Variants in TNFRSF10B observed in about 807,000 individuals in gnomAD.
TNFRSF10B encodes TNF receptor superfamily member 10b, also known as tumor necrosis factor receptor superfamily member 10B.
TNFRSF10B carries 35 observed loss-of-function variants against 41.4 expected under a neutral mutation model. The ratio of observed to expected loss-of-function variants is 0.85; its 90% CI spans 0.65 to 1.12. The LOEUF (loss-of-function observed/expected upper bound fraction) is 1.12, where lower values mean the gene tolerates loss of function less well. Ranked by LOEUF, TNFRSF10B falls within the 50% of genes most tolerant of loss-of-function variation. TNFRSF10B has a pLI of 0.00. For missense variants in TNFRSF10B, 584 were observed against 552.7 expected, an observed-to-expected ratio of 1.06 and a Z score of -0.57; for synonymous variants, 230 against 215.5, an observed-to-expected ratio of 1.07 and a Z score of -0.59.
intron 4 of TNFRSF10B, 71 bp from the exon 5 acceptor site, chr8:23,028,673 C>A (rs1334856144): frequency 6.3e-7 from 1 of 1,577,050 alleles, no homozygotes; most frequent in South Asian, 1.1e-5. Context: ...AAAGAGGAGC[C>A]ACCCTCCCTC....
intron 2 of TNFRSF10B, among the ~76,000 whole-genome samples, chr8:23,031,913 T>G (rs1470438902): frequency 7.5e-6 from 1 of 133,806 alleles, no homozygotes; most frequent in African/African-American, 2.9e-5. Context: ...TGCAGTAGCA[T>G]TTTTTTTTTT....
intron 1 of TNFRSF10B, among the ~76,000 whole-genome samples, chr8:23,052,941 G>A (rs916114027): frequency 6.6e-6 from 1 of 152,210 alleles, no homozygotes; most frequent in Non-Finnish European, 1.5e-5. Flanking sequence ...AAGGGCTCCT[G>A]TATGGTAAAT....
intron 2 of TNFRSF10B, among the ~76,000 whole-genome samples, chr8:23,041,191 T>C (rs529015040): frequency 6.6e-6 from 1 of 152,024 alleles, no homozygotes; most frequent in Admixed American, 6.6e-5. Context: ...CCCAAGTAGC[T>C]GGGACTACAG....
chr8:23,030,814 A>T lies in TNFRSF10B; in HGVS notation c.309T>A (p.Tyr103Ter). 6.2e-7 allele frequency: 1 copy of T among 1,613,298 alleles called. No homozygotes were observed. The highest frequency in any genetic ancestry group is 2.2e-5 in the East Asian group (1 of 44,854). ...AAAGGAGGTCATTCCAGTGAGTGCT[A>T]TAGTCCTGTCCATATTTGCAGGAGA... ...DCISCKYGQD[Y>*]STHWNDLLFC... Residue 103 changes from tyrosine (Y) to a stop codon, truncating the protein, a stop_gained, in exon 3 of 9, where the codon TAT (tyrosine) becomes TAA (stop). Transcript: ENST00000276431. LOFTEE classifies it high-confidence loss of function.
At chr8:23,027,504 G>T in intron 6 of TNFRSF10B, 1 of 780,544 alleles carries the variant, frequency 1.3e-6, no homozygotes, top group Non-Finnish European at 2.1e-6. Context: ...GGTGCAGGCT[G>T]TGGGGTGAGG....
rs895163165 is a variant in TNFRSF10B, at chr8:23,021,758, T to A, written c.*913A>T. On this transcript the variant is annotated 3_prime_UTR_variant, in exon 9 of 9. Coordinates refer to ENST00000276431, the MANE Select transcript of TNFRSF10B (RefSeq NM_003842.5). ...GTCCAGTTCAAAAGACTGGCCCCTG[T>A]AGAAGTTGCCAATCATTGAAGCCAA... is the stretch of plus-strand genomic sequence containing the variant. The A allele has an allele frequency of 4.4e-6, 2 of 454,014 alleles. No individual in the cohort carries two copies. The highest frequency in any genetic ancestry group is 8.8e-6 in the Non-Finnish European group (2 of 226,802). The allele number at this position is 454,014 out of a possible 1,614,324, so 28.1% of individuals were successfully genotyped here.
chr8:23,055,727 G>A (rs1585224765), intron 1 of TNFRSF10B, among the ~76,000 whole-genome samples: 1 of 152,124 alleles, frequency 6.6e-6, no homozygotes, highest in Admixed American at 6.6e-5. Flanking sequence ...GGGTATTGGA[G>A]GTTTGAAGGA....
intron 1 of TNFRSF10B, among the ~76,000 whole-genome samples, chr8:23,050,805 G>C (rs12114478): frequency 6.6e-6 from 1 of 151,838 alleles, no homozygotes; most frequent in Non-Finnish European, 1.5e-5. Context: ...CGGGCGTGGT[G>C]TCTCATGCCT....
rs774416391 is a variant in TNFRSF10B at position 23,022,792 on chromosome 8, G to T, written c.1202C>A (p.Thr401Asn). The T allele has an allele frequency of 5.0e-6, 8 of 1,613,808 alleles. No homozygotes were observed. The highest frequency in any genetic ancestry group is 2.2e-5 in the South Asian group (2 of 91,080). Residue 401 changes from threonine (T) to asparagine (N), a missense_variant, in exon 9 of 9, where the codon ACC (threonine) becomes AAC (asparagine). Coordinates refer to ENST00000276431, the MANE Select transcript of TNFRSF10B (RefSeq NM_003842.5). ...CAGCGTCTCCAAGGCATCCAGCAGG[G>T]TGTGGACAGAGGCATCTCGCCCGGT... ...NKTGRDASVH[T>N]LLDALETLGE...
intron 6 of TNFRSF10B, 174 bp from the exon 7 acceptor site, chr8:23,027,462 G>A (rs916698024): frequency 1.2e-6 from 1 of 866,884 alleles, no homozygotes. Context: ...CAGGCCCCCA[G>A]TGCTGTGCTC....
rs542213874 is a variant in TNFRSF10B at position 23,029,652 on chromosome 8, C to T, written c.434G>A (p.Arg145Gln). The T allele has an allele frequency of 2.0e-5, 32 of 1,613,672 alleles. No individual in the cohort carries two copies. Among genetic ancestry groups the T allele is most frequent in the Middle Eastern group, 1.7e-4 (1 of 6,048 alleles). ...GCACATCTCAGGAGAATCTTCTTCCCGGAAGGTGCCTTCTTCGCACTGACA... is the reference window on the plus strand; with the variant it reads ...GCACATCTCAGGAGAATCTTCTTCCTGGAAGGTGCCTTCTTCGCACTGACA... ...TVCQCEEGTF[R>Q]EEDSPEMCRK... is the part of the protein sequence containing the mutation. Residue 145 changes from arginine to glutamine, a missense_variant, in exon 4 of 9, where the codon CGG becomes CAG. Coordinates refer to ENST00000276431, the MANE Select transcript of TNFRSF10B (RefSeq NM_003842.5).
intron 6 of TNFRSF10B, 148 bp from the exon 7 acceptor site, chr8:23,027,436 G>C: frequency 9.9e-7 from 1 of 1,012,470 alleles, no homozygotes; most frequent in Non-Finnish European, 1.5e-6. Context: ...GCACATCCAG[G>C]ACCCGCTGCT....
At chr8:23,058,187 C>T (rs1648949123) in intron 1 of TNFRSF10B, among the ~76,000 whole-genome samples, 1 of 152,122 alleles carries the variant, frequency 6.6e-6, no homozygotes, top group East Asian at 1.9e-4. Context: ...GAGGAGGTTT[C>T]AGTGAGCTGA....
chr8:23,043,531 G>A (rs1812268332), intron 1 of TNFRSF10B, among the ~76,000 whole-genome samples: 1 of 152,202 alleles, frequency 6.6e-6, no homozygotes, highest in African/African-American at 2.4e-5. Flanking sequence ...CTCAGCTAAA[G>A]ATAGCATCCA....
chr8:23,061,730 G>A (rs1812835502), intron 1 of TNFRSF10B, among the ~76,000 whole-genome samples: 1 of 152,174 alleles, frequency 6.6e-6, no homozygotes, highest in South Asian at 2.1e-4. Flanking sequence ...TTTGCTGGGT[G>A]TTTTCATCAT....
At chr8:23,068,421 G>A (rs555010089) in intron 1 of TNFRSF10B, 1 of 440,590 alleles carries the variant, frequency 2.3e-6, no homozygotes, top group Non-Finnish European at 4.1e-6. Flanking sequence ...GAAACAGAAA[G>A]TAAGGAAAGA....
At chr8:23,042,504 G>A (rs775598163) in intron 2 of TNFRSF10B, among the ~76,000 whole-genome samples, 3 of 152,018 alleles carry the variant, frequency 2.0e-5, no homozygotes, top group Non-Finnish European at 4.4e-5. Flanking sequence ...ATGACCTTAC[G>A]GGACACCACA....
chr8:23,068,626 T>C, intron 1 of TNFRSF10B, 125 bp downstream of exon 1: 1 of 1,424,746 alleles, frequency 7.0e-7, no homozygotes, highest in Non-Finnish European at 9.3e-7. Context: ...CTGGTGCGTC[T>C]TGCCCGGACA....
At chr8:23,068,233 A>T in intron 1 of TNFRSF10B, 1 of 161,898 alleles carries the variant, frequency 6.2e-6, no homozygotes, top group Non-Finnish European at 1.4e-5. Flanking sequence ...CGCGCACGGA[A>T]CGGAACCACT....
Sources: gnomAD v4.1 joint callset for allele counts (sites outside exome capture counted in the v4.1 genomes callset) on GRCh38, gnomAD v4.1.1 for gene constraint, MANE v1.5 for transcripts, NCBI Gene and HGNC (gene_info 2026-07-23, HGNC 2026-07-21) for gene names.